Variants in KCTD16 observed in about 807,000 individuals in gnomAD.
The protein encoded by KCTD16 is BTB/POZ domain-containing protein KCTD16.
Under a neutral mutation model 33.2 loss-of-function variants are expected in KCTD16, and 13 were observed. The observed-to-expected ratio is 0.39, with a 90% CI of 0.25 to 0.62. KCTD16 has a LOEUF of 0.62. Among genes scored for constraint, KCTD16 ranks in the 20% least tolerant of loss-of-function variants. The probability of loss-of-function intolerance (pLI) is 0.50; values close to 1 mark genes in which losing one functional copy is unlikely to be tolerated. For missense variants in KCTD16, 441 were observed against 525.1 expected, an observed-to-expected ratio of 0.84 and a Z score of 1.57; for synonymous variants, 197 against 195.3, an observed-to-expected ratio of 1.01 and a Z score of -0.07.
chr5:144,182,725 G>C (rs1752650789), intron 2 of KCTD16, among the ~76,000 whole-genome samples: 1 of 151,964 alleles, frequency 6.6e-6, no homozygotes, highest in Non-Finnish European at 1.5e-5. Context: ...AGCCTAGGCT[G>C]ACACAGGGAG....
intron 3 of KCTD16, among the ~76,000 whole-genome samples, chr5:144,258,383 A>G (rs1754910257): frequency 6.6e-6 from 1 of 152,168 alleles, no homozygotes. Flanking sequence ...TTATCATGGT[A>G]TTCAAGTTAG....
rs780723953 is a variant in KCTD16, at chr5:144,170,907, A to T, written c.-595A>T. On this transcript the variant is annotated 5_prime_UTR_variant, in exon 1 of 4. Coordinates refer to ENST00000512467, the MANE Select transcript of KCTD16 (RefSeq NM_020768.4). ...TGATGGAGGAAGACTGGGAGGCGCT[A>T]AAATGAGACAGACGGAGTCCCCTCT... is the stretch of plus-strand genomic sequence containing the variant. The T allele has an allele frequency of 2.6e-5, 4 of 152,310 alleles. No homozygotes were observed. Among genetic ancestry groups the T allele is most frequent in the Non-Finnish European group, 5.9e-5 (4 of 68,108 alleles). The allele number at this position is 152,310 out of a possible 1,614,324, so 9.4% of individuals were successfully genotyped here.
chr5:144,409,277 A>G (rs2126952422), intron 3 of KCTD16, among the ~76,000 whole-genome samples: 1 of 152,222 alleles, frequency 6.6e-6, no homozygotes, highest in Non-Finnish European at 1.5e-5. Flanking sequence ...AAGTTTTTAC[A>G]TTGGTTATGC....
At chr5:144,276,539 A>G (rs1018124837) in intron 3 of KCTD16, among the ~76,000 whole-genome samples, 1 of 152,240 alleles carries the variant, frequency 6.6e-6, no homozygotes, top group Non-Finnish European at 1.5e-5. Context: ...TAGTTCTGGC[A>G]GAGACCTAGA....
chr5:144,415,234 C>T (rs906041874), intron 3 of KCTD16, among the ~76,000 whole-genome samples: 1 of 152,086 alleles, frequency 6.6e-6, no homozygotes, highest in Non-Finnish European at 1.5e-5. Flanking sequence ...GGCATTAATC[C>T]ACACATGAGG....
At chr5:144,271,447 T>A (rs1280757943) in intron 3 of KCTD16, among the ~76,000 whole-genome samples, 1 of 152,020 alleles carries the variant, frequency 6.6e-6, no homozygotes, top group Non-Finnish European at 1.5e-5. Flanking sequence ...TAAAACTTAA[T>A]ACCTTTTTGT....
chr5:144,231,870 T>G (rs1488524422), intron 3 of KCTD16, among the ~76,000 whole-genome samples: 2 of 152,160 alleles, frequency 1.3e-5, no homozygotes, highest in African/African-American at 4.8e-5. Flanking sequence ...CCTTCATAAA[T>G]TACCCAGTCT....
intron 3 of KCTD16, among the ~76,000 whole-genome samples, chr5:144,246,076 G>A (rs1224104736): frequency 2.0e-5 from 3 of 152,204 alleles, no homozygotes; most frequent in South Asian, 2.1e-4. Flanking sequence ...AGGTGTACAG[G>A]GCAATGATGT....
chr5:144,466,987 ACTATATATATT>A (rs1754348264), intron 3 of KCTD16, among the ~76,000 whole-genome samples: 1 of 107,968 alleles, frequency 9.3e-6, no homozygotes. Flanking sequence ...TATATATAAC[ACTATATATATT>A]ATATATATTA....
At chr5:144,260,443 C>T (rs1471717231) in intron 3 of KCTD16, among the ~76,000 whole-genome samples, 1 of 152,196 alleles carries the variant, frequency 6.6e-6, no homozygotes, top group Non-Finnish European at 1.5e-5. Flanking sequence ...GAACACCAAG[C>T]TCTGCAGCCT....
At chr5:144,197,876 T>C (rs1415485411) in intron 2 of KCTD16, among the ~76,000 whole-genome samples, 1 of 152,226 alleles carries the variant, frequency 6.6e-6, no homozygotes, top group African/African-American at 2.4e-5. Flanking sequence ...TTAATTTGTT[T>C]GGCCACAGGC....
Position 144,172,956 on chromosome 5 carries a change from T to C in KCTD16, c.-492-1351T>C, listed in dbSNP as rs2126768305. Among the ~76,000 whole-genome samples the C allele has an allele frequency of 2.0e-5, 3 of 152,320 alleles. No homozygotes were observed. The Middle Eastern group carries it at 0.01, about 518-fold the overall frequency. Reference sequence around the variant, plus strand: ...TTCAAATTTGAATGAGCTACAAGAATATGAGCATTAAAAATTGCTGATTTA... The same window carrying C: ...TTCAAATTTGAATGAGCTACAAGAACATGAGCATTAAAAATTGCTGATTTA... On this transcript the variant is annotated intron_variant, in intron 1 of 3. Transcript: ENST00000512467.
intron 3 of KCTD16, among the ~76,000 whole-genome samples, chr5:144,223,409 A>G (rs1283154950): frequency 6.6e-6 from 1 of 152,208 alleles, no homozygotes; most frequent in Non-Finnish European, 1.5e-5. Flanking sequence ...GCTAGTAAAG[A>G]AATAAAGAAG....
intron 3 of KCTD16, among the ~76,000 whole-genome samples, chr5:144,322,375 G>A (rs1215728758): frequency 6.6e-6 from 1 of 152,094 alleles, no homozygotes; most frequent in East Asian, 1.9e-4. Flanking sequence ...GATATAAGTT[G>A]ATCTAATCAG....
At chr5:144,318,674 G>T (rs908935545) in intron 3 of KCTD16, among the ~76,000 whole-genome samples, 1 of 152,232 alleles carries the variant, frequency 6.6e-6, no homozygotes. Context: ...CTGACCGCTA[G>T]AACTTAAATG....
At chr5:144,400,530 G>A (rs1168668142) in intron 3 of KCTD16, among the ~76,000 whole-genome samples, 1 of 152,126 alleles carries the variant, frequency 6.6e-6, no homozygotes, top group Non-Finnish European at 1.5e-5. Flanking sequence ...TGTGGAATAT[G>A]AGTAGCAGTA....
intron 3 of KCTD16, among the ~76,000 whole-genome samples, chr5:144,471,680 T>C (rs1468581479): frequency 6.6e-6 from 1 of 152,232 alleles, no homozygotes; most frequent in Non-Finnish European, 1.5e-5. Flanking sequence ...TTTCTATTAC[T>C]GATATTTTCA....
intron 3 of KCTD16, among the ~76,000 whole-genome samples, chr5:144,343,530 G>T (rs1455565263): frequency 6.6e-6 from 1 of 151,896 alleles, no homozygotes; most frequent in African/African-American, 2.4e-5. Context: ...CAAAAAACCA[G>T]CTCCTGGATT....
chr5:144,301,601 T>C (rs1196244333), intron 3 of KCTD16, among the ~76,000 whole-genome samples: 1 of 152,202 alleles, frequency 6.6e-6, no homozygotes, highest in Non-Finnish European at 1.5e-5. Context: ...GGATTAAGAA[T>C]CCATCTCTAC....
Sources: allele counts gnomAD v4.1 joint callset (sites outside exome capture counted in the v4.1 genomes callset), GRCh38; gene constraint gnomAD v4.1.1; transcripts MANE v1.5; gene names NCBI Gene and HGNC (gene_info 2026-07-23, HGNC 2026-07-21).